Variants in TRIM24 observed in about 807,000 individuals in gnomAD.
The protein encoded by TRIM24 is tripartite motif containing 24, also known as transcription intermediary factor 1-alpha.
TRIM24 carries 29 observed loss-of-function variants against 123.9 expected under a neutral mutation model. That is an observed-to-expected ratio of 0.23 (90% CI 0.17 to 0.32). The LOEUF is 0.32. Among genes scored for constraint, TRIM24 ranks in the 10% least tolerant of loss-of-function variants. TRIM24 has a pLI of 1.00. For missense variants in TRIM24, 932 were observed against 1,295.3 expected (o/e 0.72, Z 4.31); for synonymous variants, 456 against 461.1 (o/e 0.99, Z 0.14).
chr7:138,530,522 A>G (rs768659283), intron 6 of TRIM24, among the ~76,000 whole-genome samples: 11 of 152,098 alleles, frequency 7.2e-5, no homozygotes, highest in South Asian at 2.1e-4. Context: ...CAGAAGTGCA[A>G]TAGCGTGAAT....
At chr7:138,471,232 TC>T (rs891327167) in intron 1 of TRIM24, among the ~76,000 whole-genome samples, 19 of 152,344 alleles carry the variant, frequency 1.2e-4, no homozygotes, top group Admixed American at 3.9e-4. Flanking sequence ...AATATTTATT[TC>T]ATCTTGATTT....
At chr7:138,526,722 T>C (rs961760374) in intron 5 of TRIM24, among the ~76,000 whole-genome samples, 1 of 152,224 alleles carries the variant, frequency 6.6e-6, no homozygotes, top group African/African-American at 2.4e-5. Flanking sequence ...TGTTTTTACT[T>C]TTCTCTTTGA....
chr7:138,536,581 T>A (rs1443086489), intron 6 of TRIM24, among the ~76,000 whole-genome samples: 1 of 152,228 alleles, frequency 6.6e-6, no homozygotes, highest in Non-Finnish European at 1.5e-5. Flanking sequence ...CTGGAAGCTT[T>A]GTCCCAGAGG....
chr7:138,581,851 C>G, intron 17 of TRIM24, 80 bp downstream of exon 17: 3 of 1,115,870 alleles, frequency 2.7e-6, no homozygotes, highest in Non-Finnish European at 4.0e-6. Context: ...GCTTATATTA[C>G]CATTTTTCAG....
chr7:138,501,010 G>A (rs914551179), intron 1 of TRIM24, among the ~76,000 whole-genome samples: 2 of 152,038 alleles, frequency 1.3e-5, no homozygotes, highest in East Asian at 1.9e-4. Context: ...TATCATGGTG[G>A]TGCTTGCAGG....
intron 7 of TRIM24, among the ~76,000 whole-genome samples, chr7:138,541,259 C>A (rs546727756): frequency 2.0e-5 from 3 of 151,928 alleles, no homozygotes; most frequent in Non-Finnish European, 2.9e-5. Context: ...GACCACCCTG[C>A]GCCACAGGGT....
rs1584752453 is a variant in TRIM24, at chr7:138,583,919, G to A, written c.2863G>A (p.Asp955Asn). Reference protein sequence around the residue: ...LSTIKKRLQEDYSMYSKPEDF... With the variant: ...LSTIKKRLQENYSMYSKPEDF... ...AACCATCAAGAAAAGACTACAAGAAGATTATTCCATGTACTCAAAACCTGA... is the reference window on the plus strand; with the variant it reads ...AACCATCAAGAAAAGACTACAAGAAAATTATTCCATGTACTCAAAACCTGA... Residue 955 changes from aspartate (D) to asparagine (N), a missense_variant, in exon 18 of 19, where the codon GAT becomes AAT. By Grantham distance (23) the Asp-to-Asn change is conservative (BLOSUM62 1). Coordinates refer to ENST00000343526, the MANE Select transcript of TRIM24 (RefSeq NM_015905.3). The A allele has an allele frequency of 6.2e-7, 1 of 1,604,044 alleles. No homozygotes were observed. Among genetic ancestry groups the A allele is most frequent in the Non-Finnish European group, 8.5e-7 (1 of 1,175,984 alleles).
At chr7:138,537,410 TA>T (rs1796913187) in intron 6 of TRIM24, among the ~76,000 whole-genome samples, 2 of 138,044 alleles carry the variant, frequency 1.4e-5, no homozygotes, top group African/African-American at 5.6e-5. Flanking sequence ...TTTTTTTTTG[TA>T]AAGACGTGGT....
chr7:138,464,446 G>A (rs1328668909), intron 1 of TRIM24, among the ~76,000 whole-genome samples: 1 of 152,006 alleles, frequency 6.6e-6, no homozygotes, highest in African/African-American at 2.4e-5. Context: ...AACTGTGTGA[G>A]CCTTGGGGTA....
At chr7:138,542,753 A>T (rs1170937808) in intron 7 of TRIM24, among the ~76,000 whole-genome samples, 1 of 152,224 alleles carries the variant, frequency 6.6e-6, no homozygotes, top group East Asian at 1.9e-4. Context: ...ACAATTTTAA[A>T]ATAAGGAAAT....
At chr7:138,493,865 G>A (rs2116504676) in intron 1 of TRIM24, among the ~76,000 whole-genome samples, 1 of 152,052 alleles carries the variant, frequency 6.6e-6, no homozygotes, top group East Asian at 1.9e-4. Flanking sequence ...CCTTATCACA[G>A]CTGTCTAAAA....
intron 16 of TRIM24, 115 bp downstream of exon 16, chr7:138,580,809 G>T: frequency 2.0e-6 from 2 of 1,018,652 alleles, no homozygotes; most frequent in Non-Finnish European, 2.6e-6. Flanking sequence ...TTATTTAAGA[G>T]TATTTTTTTT....
At chr7:138,533,923 T>G (rs1315936869) in intron 6 of TRIM24, among the ~76,000 whole-genome samples, 3 of 152,220 alleles carry the variant, frequency 2.0e-5, no homozygotes, top group Non-Finnish European at 4.4e-5. Flanking sequence ...GGGATTCAAC[T>G]TCTTCCTGGT....
intron 2 of TRIM24, among the ~76,000 whole-genome samples, chr7:138,511,179 T>G (rs1296512382): frequency 1.3e-5 from 2 of 152,190 alleles, no homozygotes; most frequent in Non-Finnish European, 2.9e-5. Context: ...CTGCTCAGCT[T>G]CTGGGGAGGC....
intron 9 of TRIM24, among the ~76,000 whole-genome samples, chr7:138,565,170 A>T (rs543184252): frequency 2.6e-5 from 4 of 151,956 alleles, no homozygotes; most frequent in African/African-American, 7.2e-5. Flanking sequence ...CCTCTTTCAC[A>T]TGCACTCACA....
At chr7:138,582,421 A>G (rs1220643228) in intron 17 of TRIM24, among the ~76,000 whole-genome samples, 1 of 152,052 alleles carries the variant, frequency 6.6e-6, no homozygotes, top group Non-Finnish European at 1.5e-5. Flanking sequence ...AGGCGCCTGT[A>G]GTCCCAGCTA....
At chr7:138,556,635 T>C (rs932214111) in intron 9 of TRIM24, among the ~76,000 whole-genome samples, 3 of 152,218 alleles carry the variant, frequency 2.0e-5, no homozygotes. Context: ...CATTCCCAAC[T>C]GTAGAGAATC....
chr7:138,514,433 CT>C (rs1796354444), intron 2 of TRIM24: 1 of 145,936 alleles, frequency 6.9e-6, no homozygotes, highest in African/African-American at 2.8e-5. Flanking sequence ...AATCTGGCCC[CT>C]GTCTCTTGTC....
chr7:138,559,224 CT>C (rs1179772903), intron 9 of TRIM24, among the ~76,000 whole-genome samples: 2 of 152,112 alleles, frequency 1.3e-5, no homozygotes, highest in Non-Finnish European at 2.9e-5. Context: ...TCCCTGCGCA[CT>C]CATAATAAAT....
Sources: gnomAD v4.1 joint callset for allele counts (sites outside exome capture counted in the v4.1 genomes callset) on GRCh38, gnomAD v4.1.1 for gene constraint, MANE v1.5 for transcripts, NCBI Gene and HGNC (gene_info 2026-07-23, HGNC 2026-07-21) for gene names.